The following KCNK10 variants were observed in gnomAD, a reference collection of about 807,000 sequenced individuals.
The protein encoded by KCNK10 is potassium channel subfamily K member 10.
A neutral mutation model predicts 47.7 loss-of-function variants in KCNK10; 25 were observed. That is an observed-to-expected ratio of 0.52 (90% CI 0.38 to 0.73). The LOEUF is 0.73. KCNK10 is among the 30% of genes least tolerant of loss of function. The pLI, the probability that KCNK10 is intolerant of heterozygous loss-of-function variation, is 0.00. For missense variants in KCNK10, 563 were observed against 714.5 expected (o/e 0.79, Z 2.42); for synonymous variants, 303 against 285.6 (o/e 1.06, Z -0.61).
chr14:88,263,428 C>G lies in KCNK10; in HGVS notation c.176G>C (p.Arg59Thr). 1.2e-6 allele frequency: 2 copies of G among 1,614,182 alleles called. No individual in the cohort carries two copies. The highest frequency in any genetic ancestry group is 1.7e-6 in the Non-Finnish European group (2 of 1,180,050). The change falls in exon 2 of 7, where the codon AGG becomes ACG. Residue 59 changes from arginine to threonine, a missense_variant. Physicochemically the swap from Arg to Thr is moderately conservative, Grantham distance 71. Coordinates refer to ENST00000319231, the MANE Select transcript of KCNK10 (RefSeq NM_138317.3). ...SISSRATVVARMEGTSQGGLQ... is the reference protein window; with the variant it reads ...SISSRATVVATMEGTSQGGLQ... ...GCCCCCTTGGGAGGTGCCTTCCATC[C>G]TGGCTACCACTGTGGCTCGGGAGGA...
intron 1 of KCNK10, among the ~76,000 whole-genome samples, chr14:88,268,465 C>A (rs908045549): frequency 6.6e-6 from 1 of 152,268 alleles, no homozygotes. Flanking sequence ...ATGGCTAAGT[C>A]AAGGTTAAGC....
rs375505617 is a variant in KCNK10, at chr14:88,259,793, G to A, written c.402+3409C>T. 7.2e-5 allele frequency among the ~76,000 whole-genome samples: 11 copies of A among 152,132 alleles called. No individual in the cohort carries two copies. In the East Asian group the frequency reaches 7.7e-4, roughly 11 times the overall value. On this transcript the variant is annotated intron_variant, in intron 2 of 6. Coordinates refer to ENST00000319231, the MANE Select transcript of KCNK10 (RefSeq NM_138317.3). ...TTTGACTGCTAAAATTCTGGAAAGT[G>A]TCTGATATGGTTTGGATTTATGTCC... is the stretch of plus-strand genomic sequence containing the variant.
chr14:88,294,164 C>A (rs1887937676), intron 1 of KCNK10, among the ~76,000 whole-genome samples: 1 of 152,200 alleles, frequency 6.6e-6, no homozygotes, highest in Admixed American at 6.5e-5. Context: ...CAGGCAAAGC[C>A]AATTAGCACA....
chr14:88,324,331 C>T (rs890091287), upstream of KCNK10, among the ~76,000 whole-genome samples: 1 of 152,224 alleles, frequency 6.6e-6, no homozygotes, highest in Non-Finnish European at 1.5e-5. Flanking sequence ...GAACGGGTCA[C>T]TCCGAGTATC....
intron 1 of KCNK10, among the ~76,000 whole-genome samples, chr14:88,263,899 A>G (rs1374996473): frequency 6.6e-6 from 1 of 152,256 alleles, no homozygotes; most frequent in Non-Finnish European, 1.5e-5. Flanking sequence ...AAGGAATACA[A>G]CAAATCATCA....
intron 1 of KCNK10, among the ~76,000 whole-genome samples, chr14:88,299,522 C>T (rs1253230416): frequency 1.3e-5 from 2 of 152,204 alleles, no homozygotes; most frequent in Non-Finnish European, 2.9e-5. Context: ...CATCATGTCA[C>T]AGTTAGAAAG....
At chr14:88,243,914 C>T (rs1886550566) in intron 2 of KCNK10, among the ~76,000 whole-genome samples, 1 of 151,346 alleles carries the variant, frequency 6.6e-6, no homozygotes. Flanking sequence ...CTCTCCCTGC[C>T]AAATCTTCAG....
At chr14:88,192,166 G>T in intron 5 of KCNK10, 58 bp downstream of exon 5, 1 of 1,492,242 alleles carries the variant, frequency 6.7e-7, no homozygotes, top group South Asian at 1.3e-5. Flanking sequence ...GAAAAGCACA[G>T]CCAACAGATT....
chr14:88,218,036 T>C (rs1188280740), intron 4 of KCNK10, among the ~76,000 whole-genome samples: 2 of 152,112 alleles, frequency 1.3e-5, no homozygotes, highest in Non-Finnish European at 2.9e-5. Flanking sequence ...TTTTCTTTTT[T>C]TTTTCAGAGA....
chr14:88,196,841 T>C (rs1037127989), intron 4 of KCNK10, among the ~76,000 whole-genome samples: 6 of 152,238 alleles, frequency 3.9e-5, no homozygotes, highest in Non-Finnish European at 7.3e-5. Flanking sequence ...CATTTTCTTA[T>C]AACATGTTTT....
chr14:88,278,946 T>A (rs1272170008), intron 1 of KCNK10, among the ~76,000 whole-genome samples: 1 of 152,178 alleles, frequency 6.6e-6, no homozygotes, highest in Non-Finnish European at 1.5e-5. Context: ...CCAGTTGCAC[T>A]TGGGCTGCCA....
At chr14:88,217,316 G>A (rs923051476) in intron 4 of KCNK10, among the ~76,000 whole-genome samples, 1 of 152,146 alleles carries the variant, frequency 6.6e-6, no homozygotes, top group African/African-American at 2.4e-5. Context: ...CTGATATTGT[G>A]TCTTTTCTAC....
At chr14:88,259,130 C>T (rs1229441365) in intron 2 of KCNK10, among the ~76,000 whole-genome samples, 1 of 152,198 alleles carries the variant, frequency 6.6e-6, no homozygotes, top group Admixed American at 6.5e-5. Context: ...TTTTTAAATA[C>T]TGTGTTTCTT....
chr14:88,319,159 G>T (rs1472747089), intron 1 of KCNK10, among the ~76,000 whole-genome samples: 1 of 152,158 alleles, frequency 6.6e-6, no homozygotes, highest in African/African-American at 2.4e-5. Context: ...GCTCACCAGA[G>T]ATGAACCATT....
intron 2 of KCNK10, among the ~76,000 whole-genome samples, chr14:88,251,232 C>CAAA (rs1160023262): frequency 0.024 from 1,694 of 69,502 alleles, 75 homozygotes; most frequent in Middle Eastern, 0.037. Context: ...GACTCTGTCT[C>CAAA]AAAAAAAAAA....
chr14:88,311,917 G>A (rs1039076470), intron 1 of KCNK10, among the ~76,000 whole-genome samples: 1 of 152,120 alleles, frequency 6.6e-6, no homozygotes, highest in African/African-American at 2.4e-5. Flanking sequence ...GGGCACAGTG[G>A]CGTCTTGGCA....
chr14:88,264,001 T>C (rs937968885), intron 1 of KCNK10, among the ~76,000 whole-genome samples: 2 of 152,152 alleles, frequency 1.3e-5, no homozygotes, highest in Non-Finnish European at 2.9e-5. Flanking sequence ...GGGCTGGTGA[T>C]ACCAACAGCA....
At chr14:88,199,659 G>A (rs1158422521) in intron 4 of KCNK10, among the ~76,000 whole-genome samples, 2 of 152,170 alleles carry the variant, frequency 1.3e-5, no homozygotes, top group African/African-American at 2.4e-5. Context: ...CTATGCAGCT[G>A]TTCCCTGGAA....
In KCNK10 at chr14:88,294,829, C is replaced by T. The variant is rs912490354; in HGVS notation, c.52+27918G>A. On this transcript the variant is annotated intron_variant, in intron 1 of 6. Coordinates refer to ENST00000319231, the MANE Select transcript of KCNK10 (RefSeq NM_138317.3). The stretch of plus-strand genomic sequence containing the variant: ...TCAAGGGCACGGTCCCAACCTTCCC[C>T]TCTCAGGTATTCTAATAATGTTGCG... Among the ~76,000 whole-genome samples, 26 of 152,302 alleles carry T rather than the reference C, an allele frequency of 1.7e-4. No individual in the cohort carries two copies. The East Asian group carries it at 4.4e-3, about 26-fold the overall frequency.
Sources: gnomAD v4.1 joint callset for allele counts (sites outside exome capture counted in the v4.1 genomes callset) on GRCh38, gnomAD v4.1.1 for gene constraint, MANE v1.5 for transcripts, NCBI Gene and HGNC (gene_info 2026-07-23, HGNC 2026-07-21) for gene names.